Variants in HECA observed in about 807,000 individuals in gnomAD.
HECA encodes HECA ribonucleoprotein granule regulator.
In HECA, 13 loss-of-function variants were observed where a neutral mutation model predicts 37.6. The observed-to-expected ratio is 0.35, with a 90% CI of 0.23 to 0.55. HECA has a LOEUF of 0.55. HECA is among the 20% of genes least tolerant of loss of function. The pLI is 0.90. For missense variants in HECA, 527 were observed against 701.9 expected (o/e 0.75, Z 2.82); for synonymous variants, 307 against 291.5 (o/e 1.05, Z -0.54).
chr6:139,136,323 T>G (rs1442741083), intron 1 of HECA, among the ~76,000 whole-genome samples: 1 of 151,378 alleles, frequency 6.6e-6, no homozygotes, highest in Non-Finnish European at 1.5e-5. Context: ...TCTATGTCAT[T>G]GTGCTTAACA....
intron 1 of HECA, among the ~76,000 whole-genome samples, chr6:139,147,623 A>G (rs1032935329): frequency 6.6e-6 from 1 of 152,226 alleles, no homozygotes; most frequent in Admixed American, 6.5e-5. Flanking sequence ...AAAGAAAAAA[A>G]ATGCTTGTCA....
At chr6:139,146,249 C>G (rs903894746) in intron 1 of HECA, among the ~76,000 whole-genome samples, 2 of 152,130 alleles carry the variant, frequency 1.3e-5, no homozygotes, top group Non-Finnish European at 2.9e-5. Context: ...TCAAATTGCT[C>G]CGGTAAGTTA....
Position 139,165,840 on chromosome 6 carries a change from T to TG in HECA, c.272-444_272-443insG, listed in dbSNP as rs201774617. Among the ~76,000 whole-genome samples, 95 of 152,278 alleles carry TG rather than the reference T, an allele frequency of 6.2e-4. No individual in the cohort carries two copies. The East Asian group carries it at 0.015, about 24-fold the overall frequency. ...TGTGGGACATGTACTTAAGATAGAG[T>TG]ACAACTATGTTGTTCCCACTTCCTG... is the stretch of plus-strand genomic sequence containing the variant. On this transcript the variant is annotated intron_variant, in intron 1 of 3. Transcript: ENST00000367658.
rs1199313846 is a variant in HECA at position 139,178,949 on chromosome 6, A to G, written c.*1844A>G. On this transcript the variant is annotated 3_prime_UTR_variant, in exon 4 of 4. Coordinates refer to ENST00000367658, the MANE Select transcript of HECA (RefSeq NM_016217.3). ...CATTAAAGAACCAATGTTATTCACT[A>G]ATATCATTCATCTTTCAGTTTGGAT... is the stretch of plus-strand genomic sequence containing the variant. The G allele has an allele frequency of 6.6e-6, 1 of 152,194 alleles. No individual in the cohort carries two copies. The highest frequency in any genetic ancestry group is 2.4e-5 in the African/African-American group (1 of 41,440). 9.4% of individuals were successfully genotyped at this position (152,194 alleles called of 1,614,324 possible).
intron 1 of HECA, among the ~76,000 whole-genome samples, chr6:139,161,280 T>G (rs555586998): frequency 6.6e-6 from 1 of 152,076 alleles, no homozygotes. Flanking sequence ...TATTACTGGG[T>G]GTATTTAACA....
chr6:139,147,133 G>C (rs1774594517), intron 1 of HECA, among the ~76,000 whole-genome samples: 1 of 152,154 alleles, frequency 6.6e-6, no homozygotes, highest in Non-Finnish European at 1.5e-5. Flanking sequence ...TGCAGAAAAG[G>C]CTTGGCTGTA....
At chr6:139,162,951 C>T (rs1035373056) in intron 1 of HECA, among the ~76,000 whole-genome samples, 6 of 152,172 alleles carry the variant, frequency 3.9e-5, no homozygotes, top group Non-Finnish European at 8.8e-5. Context: ...CTTTCCCTGC[C>T]CTACAGTTAC....
At chr6:139,136,267 TAAA>T (rs71674341) in intron 1 of HECA, among the ~76,000 whole-genome samples, 5,684 of 131,962 alleles carry the variant, frequency 0.043, 122 homozygotes, top group African/African-American at 0.064. Context: ...AGCCCGGAGT[TAAA>T]AAAAAAAAAA....
intron 1 of HECA, among the ~76,000 whole-genome samples, chr6:139,156,437 TG>T (rs1774713694): frequency 6.6e-6 from 1 of 152,216 alleles, no homozygotes. Flanking sequence ...TTTGAACTCC[TG>T]GGCTGAAGTG....
In HECA at chr6:139,161,835, G is replaced by A. The variant is rs551264679; in HGVS notation, c.272-4449G>A. ...CAAGGCTCTTCATCTGAAGGATCAA[G>A]ATAAAAACAACTACACTTAATAATT... On this transcript the variant is annotated intron_variant, in intron 1 of 3. Coordinates refer to ENST00000367658, the MANE Select transcript of HECA (RefSeq NM_016217.3). 6.1e-4 allele frequency among the ~76,000 whole-genome samples: 93 copies of A among 152,284 alleles called. 1 individual carries two copies. The highest frequency in any genetic ancestry group is 1.0e-3 in the Non-Finnish European group (68 of 68,026).
intron 1 of HECA, among the ~76,000 whole-genome samples, chr6:139,141,919 ATTTTT>A (rs11345845): frequency 4.5e-4 from 22 of 48,782 alleles, no homozygotes; most frequent in Admixed American, 1.2e-3. Context: ...TGCCCAGCTA[ATTTTT>A]TTTTTTTTTT....
intron 2 of HECA, among the ~76,000 whole-genome samples, chr6:139,174,169 G>T (rs1042226057): frequency 2.0e-5 from 3 of 152,292 alleles, no homozygotes; most frequent in Admixed American, 1.3e-4. Context: ...TTTTTAATAT[G>T]CTTGAACTTA....
intron 1 of HECA, among the ~76,000 whole-genome samples, chr6:139,153,650 C>G (rs1037455350): frequency 6.6e-6 from 1 of 151,968 alleles, no homozygotes; most frequent in East Asian, 1.9e-4. Context: ...CACTCCTGAC[C>G]TCAGGTGATC....
In HECA at chr6:139,171,644, T is replaced by C. The variant is rs564260605; in HGVS notation, c.1313-2741T>C. Among the ~76,000 whole-genome samples, 167 of 152,310 alleles carry C rather than the reference T, an allele frequency of 1.1e-3. 4 individuals carry two copies. In the South Asian group the frequency reaches 0.033, roughly 30 times the overall value. On this transcript the variant is annotated intron_variant, in intron 2 of 3. Coordinates refer to ENST00000367658, the MANE Select transcript of HECA (RefSeq NM_016217.3). ...TCTTTTCTTTTTTCTTTCTTTTTTT[T>C]TGAGTATCTCAGTCTGTCACCCTGG...
At chr6:139,144,993 C>G (rs972673478) in intron 1 of HECA, among the ~76,000 whole-genome samples, 1 of 152,222 alleles carries the variant, frequency 6.6e-6, no homozygotes, top group African/African-American at 2.4e-5. Flanking sequence ...AAGATTTTCT[C>G]TAGAGGCAGG....
intron 1 of HECA, chr6:139,159,327 TCC>T (rs1281530495): frequency 6.6e-6 from 1 of 152,140 alleles, no homozygotes; most frequent in Non-Finnish European, 1.5e-5. Flanking sequence ...GGGGATTTGT[TCC>T]CACATAAGAG....
chr6:139,167,195 G>C lies in HECA; in HGVS notation c.1183G>C (p.Val395Leu). ...CGCGCTCAGTGCCAGCCACAGAAACGTGGTAAACTGTGCCCTGTGCCACCG... is the reference window on the plus strand; with the variant it reads ...CGCGCTCAGTGCCAGCCACAGAAACCTGGTAAACTGTGCCCTGTGCCACCG... Reference protein sequence around the residue: ...LAALSASHRNVVNCALCHRAL... With the variant: ...LAALSASHRNLVNCALCHRAL... Residue 395 changes from valine (V) to leucine (L), a missense_variant, in exon 2 of 4, where the codon GTG becomes CTG. Physicochemically the swap from Val to Leu is conservative, Grantham distance 32. Coordinates refer to ENST00000367658, the MANE Select transcript of HECA (RefSeq NM_016217.3). 6.2e-7 allele frequency: 1 copy of C among 1,614,196 alleles called. No individual in the cohort carries two copies. Among genetic ancestry groups the C allele is most frequent in the South Asian group, 1.1e-5 (1 of 91,084 alleles).
At position 139,135,482 on chromosome 6, in the gene HECA, C is replaced by T. The variant is rs1366692098; in HGVS notation, c.86C>T (p.Ala29Val). 3.3e-6 allele frequency: 4 copies of T among 1,227,046 alleles called. No homozygotes were observed. The highest frequency in any genetic ancestry group is 3.1e-5 in the Admixed American group (1 of 32,778). 76.0% of individuals were successfully genotyped at this position (1,227,046 alleles called of 1,614,324 possible). ...GACGAGCAGGAAAATGGAGCCGGGG[C>T]CCTGGCAGCGGCGGGCGCGGCGGGA... ...SGDEQENGAG[A>V]LAAAGAAGAA... The change falls in exon 1 of 4, where the codon GCC becomes GTC. Residue 29 changes from alanine to valine, a missense_variant. Coordinates refer to ENST00000367658, the MANE Select transcript of HECA (RefSeq NM_016217.3).
chr6:139,160,998 C>G (rs931743011), intron 1 of HECA, among the ~76,000 whole-genome samples: 4 of 152,120 alleles, frequency 2.6e-5, no homozygotes, highest in Admixed American at 2.0e-4. Context: ...CACCTCTCTT[C>G]TGTTATTCCC....
Sources: allele counts gnomAD v4.1 joint callset (sites outside exome capture counted in the v4.1 genomes callset), GRCh38; gene constraint gnomAD v4.1.1; transcripts MANE v1.5; gene names NCBI Gene and HGNC (gene_info 2026-07-23, HGNC 2026-07-21).